LARP1B: variants seen among roughly 807,000 people sequenced by gnomAD.
LARP1B encodes La ribonucleoprotein 1B, also known as la-related protein 1B.
In LARP1B, 76 loss-of-function variants were observed where a neutral mutation model predicts 114.2. The ratio of observed to expected loss-of-function variants is 0.67; its 90% CI spans 0.55 to 0.81. LARP1B has a LOEUF of 0.81. LARP1B is among the 30% of genes least tolerant of loss of function. LARP1B has a pLI of 0.00. For missense variants in LARP1B, 1,014 were observed against 1,075.8 expected, an observed-to-expected ratio of 0.94 and a Z score of 0.80; for synonymous variants, 345 against 348.0, an observed-to-expected ratio of 0.99 and a Z score of 0.10.
At chr4:128,090,270 A>G (rs1775417283) in intron 5 of LARP1B, among the ~76,000 whole-genome samples, 1 of 151,868 alleles carries the variant, frequency 6.6e-6, no homozygotes. Context: ...GCGGTATTTC[A>G]GTATGTCAGC....
At chr4:128,117,206 ATT>A (rs70966078) in intron 10 of LARP1B, among the ~76,000 whole-genome samples, 5 of 136,156 alleles carry the variant, frequency 3.7e-5, no homozygotes, top group Admixed American at 1.5e-4. Flanking sequence ...CCGGCCTGAG[ATT>A]TTTTTTTTTT....
chr4:128,107,380 T>G, intron 9 of LARP1B, 67 bp downstream of exon 9: 1 of 1,561,578 alleles, frequency 6.4e-7, no homozygotes, highest in Non-Finnish European at 8.7e-7. Context: ...ACTTACTTAT[T>G]TATTTATTTT....
intron 7 of LARP1B, among the ~76,000 whole-genome samples, chr4:128,093,796 C>T (rs548502468): frequency 1.8e-4 from 27 of 149,534 alleles, no homozygotes; most frequent in African/African-American, 2.0e-4. Flanking sequence ...CTGCAACGTC[C>T]GCCTCCCAGG....
intron 1 of LARP1B, among the ~76,000 whole-genome samples, chr4:128,066,853 A>G (rs1452517806): frequency 6.8e-6 from 1 of 148,072 alleles, no homozygotes; most frequent in Non-Finnish European, 1.5e-5. Flanking sequence ...CAGGAGTGCA[A>G]TGGCGCGATC....
At chr4:128,091,226 T>C in intron 6 of LARP1B, 82 bp downstream of exon 6, 1 of 1,552,502 alleles carries the variant, frequency 6.4e-7, no homozygotes, top group South Asian at 1.2e-5. Context: ...TTTTAACTAA[T>C]TTTCTTTGTC....
chr4:128,199,378 G>A, intron 15 of LARP1B, 61 bp from the exon 16 acceptor site: 1 of 1,314,426 alleles, frequency 7.6e-7, no homozygotes, highest in Non-Finnish European at 1.0e-6. Flanking sequence ...AGTACAAATT[G>A]GTTCATATAC....
chr4:128,207,502 T>A, intron 19 of LARP1B, 119 bp downstream of exon 19: 1 of 624,416 alleles, frequency 1.6e-6, no homozygotes, highest in Non-Finnish European at 2.4e-6. Flanking sequence ...GTTTTAAAAT[T>A]AAACTTTGAA....
chr4:128,170,872 C>CTTTTTTTTT (rs70966085), intron 12 of LARP1B, among the ~76,000 whole-genome samples: 5 of 95,008 alleles, frequency 5.3e-5, no homozygotes, highest in East Asian at 3.2e-4. Context: ...TTTTTCTTTT[C>CTTTTTTTTT]TTTTTTTTTT....
intron 15 of LARP1B, among the ~76,000 whole-genome samples, chr4:128,199,131 ACTAAT>A (rs1475031251): frequency 1.3e-5 from 2 of 152,350 alleles, no homozygotes; most frequent in East Asian, 3.9e-4. Context: ...ATAATAAAAA[ACTAAT>A]CTAAATGAAA....
chr4:128,181,654 GT>G (rs978031593), intron 15 of LARP1B, among the ~76,000 whole-genome samples: 3 of 151,970 alleles, frequency 2.0e-5, no homozygotes, highest in African/African-American at 7.3e-5. Flanking sequence ...CATAGATACT[GT>G]TTTTCACAAA....
chr4:128,203,488 C>T (rs75649477), intron 17 of LARP1B, among the ~76,000 whole-genome samples: 1,763 of 152,174 alleles, frequency 0.012, 35 homozygotes, highest in African/African-American at 0.039. Flanking sequence ...ATTCTTCTGC[C>T]TCAGCCTCGT....
chr4:128,169,160 G>A (rs368500282), intron 12 of LARP1B, among the ~76,000 whole-genome samples: 18 of 151,602 alleles, frequency 1.2e-4, no homozygotes, highest in Admixed American at 2.0e-4. Context: ...TGTCTTGATC[G>A]ATCTAGCTAG....
chr4:128,193,710 G>C (rs568823205), intron 15 of LARP1B, among the ~76,000 whole-genome samples: 10 of 151,984 alleles, frequency 6.6e-5, no homozygotes, highest in Non-Finnish European at 1.2e-4. Context: ...CCTGCCTCCT[G>C]GGTTCAAACG....
intron 8 of LARP1B, among the ~76,000 whole-genome samples, chr4:128,106,251 T>C (rs1219856286): frequency 6.6e-6 from 1 of 152,130 alleles, no homozygotes; most frequent in Non-Finnish European, 1.5e-5. Context: ...CTCAATCTCC[T>C]GACCTCGTGA....
At chr4:128,141,000 G>A (rs1727850051) in intron 11 of LARP1B, among the ~76,000 whole-genome samples, 1 of 152,020 alleles carries the variant, frequency 6.6e-6, no homozygotes, top group Admixed American at 6.6e-5. Context: ...ATTTTTAGTA[G>A]AGATGGAGTT....
At chr4:128,060,869 C>G (rs1252277982), upstream of LARP1B, among the ~76,000 whole-genome samples, 1 of 152,204 alleles carries the variant, frequency 6.6e-6, no homozygotes, top group Non-Finnish European at 1.5e-5. Context: ...GGAGCTGCCC[C>G]AGGCCGGGGG....
chr4:128,188,765 TCAGGAG>T (rs1311415010), intron 15 of LARP1B, among the ~76,000 whole-genome samples: 1 of 152,230 alleles, frequency 6.6e-6, no homozygotes, highest in African/African-American at 2.4e-5. Flanking sequence ...TGTTGATCAT[TCAGGAG>T]CATGTTGTTT....
At chr4:128,184,366 C>CA (rs1749599026) in intron 15 of LARP1B, among the ~76,000 whole-genome samples, 1 of 152,104 alleles carries the variant, frequency 6.6e-6, no homozygotes, top group South Asian at 2.1e-4. Context: ...CCTCCACCAG[C>CA]AAAAAGACTA....
In LARP1B at chr4:128,155,691, C is replaced by T. The variant is rs1735237910; in HGVS notation, c.1525-6503C>T. On this transcript the variant is annotated intron_variant, in intron 11 of 19. Transcript: ENST00000326639. ...GTCCAAGGCCTTGTGAACAGATCAG[C>T]CCGGAGGAAGAGGAGCGCCGCCGAG... 33 of 1,605,944 alleles carry T rather than the reference C, an allele frequency of 2.1e-5. No homozygotes were observed. The South Asian group carries it at 3.4e-4, about 17-fold the overall frequency.
Sources: allele counts gnomAD v4.1 joint callset (sites outside exome capture counted in the v4.1 genomes callset), GRCh38; gene constraint gnomAD v4.1.1; transcripts MANE v1.5; gene names NCBI Gene and HGNC (gene_info 2026-07-23, HGNC 2026-07-21).